Variants in RAPGEF2 observed in about 807,000 individuals in gnomAD.
The protein encoded by RAPGEF2 is Rap guanine nucleotide exchange factor 2.
RAPGEF2 carries 54 observed loss-of-function variants against 186.7 expected under a neutral mutation model. That is an observed-to-expected ratio of 0.29 (90% CI 0.23 to 0.36). RAPGEF2 has a LOEUF of 0.36. Among genes scored for constraint, RAPGEF2 ranks in the 10% least tolerant of loss-of-function variants. RAPGEF2 has a pLI of 1.00. For synonymous variants in RAPGEF2, 712 were observed against 705.9 expected, an observed-to-expected ratio of 1.01 and a Z score of -0.14; for missense variants, 1,532 against 2,045.0, an observed-to-expected ratio of 0.75 and a Z score of 4.84.
intron 7 of RAPGEF2, among the ~76,000 whole-genome samples, chr4:159,285,155 C>T (rs1325626304): frequency 1.3e-5 from 2 of 151,928 alleles, no homozygotes; most frequent in African/African-American, 4.8e-5. Context: ...TAGAATAAGC[C>T]CTATTTAGTC....
At chr4:159,214,262 T>C (rs182102688) in intron 4 of RAPGEF2, among the ~76,000 whole-genome samples, 18 of 152,324 alleles carry the variant, frequency 1.2e-4, no homozygotes, top group Non-Finnish European at 2.1e-4. Flanking sequence ...TATGAGGTGC[T>C]GATTACACCC....
At chr4:159,245,341 C>T (rs535527921) in intron 7 of RAPGEF2, among the ~76,000 whole-genome samples, 6 of 151,924 alleles carry the variant, frequency 3.9e-5, no homozygotes, top group Non-Finnish European at 7.4e-5. Flanking sequence ...CATTTTCTTA[C>T]ATTTTGATGA....
At chr4:159,264,846 T>G (rs1262543372) in intron 7 of RAPGEF2, among the ~76,000 whole-genome samples, 2 of 152,162 alleles carry the variant, frequency 1.3e-5, no homozygotes, top group Non-Finnish European at 1.5e-5. Context: ...AGTAGAGCAT[T>G]ATATATTATT....
chr4:159,335,231 G>A (rs1767236395), intron 17 of RAPGEF2, among the ~76,000 whole-genome samples: 1 of 152,164 alleles, frequency 6.6e-6, no homozygotes, highest in Non-Finnish European at 1.5e-5. Context: ...AGAAGATGGG[G>A]CATGAGCTCC....
intron 3 of RAPGEF2, among the ~76,000 whole-genome samples, chr4:159,195,875 GTTTTTTTTTTTTTT>G (rs34827512): frequency 2.4e-4 from 23 of 94,230 alleles, no homozygotes; most frequent in African/African-American, 5.9e-4. Context: ...AAACATACCT[GTTTTTTTTTTTTTT>G]TTTTTTTTTT....
intron 4 of RAPGEF2, 116 bp from the exon 5 acceptor site, chr4:159,238,693 A>C: frequency 1.7e-6 from 1 of 592,236 alleles, no homozygotes; most frequent in Non-Finnish European, 2.7e-6. Context: ...TCCAATGTGT[A>C]CTTTTTGTAA....
chr4:159,358,388 G>A lies in RAPGEF2; in HGVS notation c.*249G>A, dbSNP rs769905574. On this transcript the variant is annotated 3_prime_UTR_variant, in exon 30 of 30. Transcript: ENST00000691494. The stretch of plus-strand genomic sequence containing the variant: ...TGAAATGCACAGTGCAGCAATCTTC[G>A]AGCTCCCACTGTTGCTGCCTGCCAC... 71 of 426,890 alleles carry A rather than the reference G, an allele frequency of 1.7e-4. No individual in the cohort carries two copies. Among genetic ancestry groups the A allele is most frequent in the Non-Finnish European group, 2.3e-4 (57 of 242,808 alleles). The allele number at this position is 426,890 out of a possible 1,614,324, so 26.4% of individuals were successfully genotyped here. A position where few individuals can be genotyped will look rare whatever the true frequency, so the allele number is the denominator to read the frequency against.
intron 18 of RAPGEF2, among the ~76,000 whole-genome samples, 169 bp from the exon 19 acceptor site, chr4:159,338,945 C>T (rs1431047304): frequency 6.6e-6 from 1 of 152,186 alleles, no homozygotes; most frequent in Non-Finnish European, 1.5e-5. Flanking sequence ...TATGTTCTTG[C>T]AGCAAAACAG....
chr4:159,143,448 GTTTAT>G (rs1742567982), intron 1 of RAPGEF2, among the ~76,000 whole-genome samples: 1 of 152,034 alleles, frequency 6.6e-6, no homozygotes, highest in Non-Finnish European at 1.5e-5. Flanking sequence ...TATTTGGAAT[GTTTAT>G]TTTATCAATC....
At chr4:159,317,527 C>A (rs559803828) in intron 9 of RAPGEF2, among the ~76,000 whole-genome samples, 1 of 152,126 alleles carries the variant, frequency 6.6e-6, no homozygotes, top group African/African-American at 2.4e-5. Flanking sequence ...CTGTTTCACC[C>A]CCTGAAGACT....
intron 1 of RAPGEF2, among the ~76,000 whole-genome samples, chr4:159,173,948 A>G (rs1423688848): frequency 6.6e-6 from 1 of 152,150 alleles, no homozygotes. Context: ...TGTTAAATGT[A>G]TTTTTGCTGC....
At chr4:159,196,635 A>G (rs547702903) in intron 3 of RAPGEF2, among the ~76,000 whole-genome samples, 2 of 152,358 alleles carry the variant, frequency 1.3e-5, no homozygotes, top group Non-Finnish European at 2.9e-5. Context: ...AGATACAGTA[A>G]CCTGTACAGA....
intron 4 of RAPGEF2, among the ~76,000 whole-genome samples, chr4:159,219,842 C>T (rs1751363810): frequency 1.3e-5 from 2 of 152,200 alleles, no homozygotes; most frequent in Non-Finnish European, 2.9e-5. Context: ...TCCTAAACTG[C>T]TCACCTGCAA....
Position 159,155,900 on chromosome 4 carries a change from AT to A in RAPGEF2, c.70-30739del, listed in dbSNP as rs766519646. Among the ~76,000 whole-genome samples, 41 of 151,984 alleles carry A rather than the reference AT, an allele frequency of 2.7e-4. 1 individual carries two copies. In the East Asian group the frequency reaches 2.7e-3, roughly 10 times the overall value. Reference sequence around the variant, plus strand: ...AGTGTTGAGTTCTAAATATTTGCTTATTTCTATTATAACTTTTACTTTGATT... The same window carrying A: ...AGTGTTGAGTTCTAAATATTTGCTTATTCTATTATAACTTTTACTTTGATT... On this transcript the variant is annotated intron_variant, in intron 1 of 29. Transcript: ENST00000691494.
At chr4:159,167,810 C>T (rs1745487906) in intron 1 of RAPGEF2, among the ~76,000 whole-genome samples, 1 of 152,042 alleles carries the variant, frequency 6.6e-6, no homozygotes, top group Non-Finnish European at 1.5e-5. Context: ...AATTTAGGGG[C>T]AAAGATCAGA....
intron 5 of RAPGEF2, among the ~76,000 whole-genome samples, chr4:159,239,535 CAAAAA>C (rs977556092): frequency 6.6e-6 from 1 of 151,880 alleles, no homozygotes; most frequent in Non-Finnish European, 1.5e-5. Context: ...AATTTTGTGA[CAAAAA>C]TTTATAAACA....
At chr4:159,252,710 C>A (rs1034587224) in intron 7 of RAPGEF2, among the ~76,000 whole-genome samples, 1 of 152,200 alleles carries the variant, frequency 6.6e-6, no homozygotes, top group South Asian at 2.1e-4. Flanking sequence ...AATCTAAGGA[C>A]AGTTGATAAC....
At chr4:159,189,249 G>T (rs970872543) in intron 2 of RAPGEF2, among the ~76,000 whole-genome samples, 3 of 152,154 alleles carry the variant, frequency 2.0e-5, no homozygotes, top group East Asian at 1.9e-4. Context: ...GTTCTCCTGT[G>T]GGGGAGTGGA....
At chr4:159,273,990 C>A (rs1579712274) in intron 7 of RAPGEF2, among the ~76,000 whole-genome samples, 1 of 151,970 alleles carries the variant, frequency 6.6e-6, no homozygotes, top group African/African-American at 2.4e-5. Context: ...TGGGGTTTCG[C>A]CATGTTGGCC....
Sources: allele counts gnomAD v4.1 joint callset (sites outside exome capture counted in the v4.1 genomes callset), GRCh38; gene constraint gnomAD v4.1.1; transcripts MANE v1.5; gene names NCBI Gene and HGNC (gene_info 2026-07-23, HGNC 2026-07-21).